The following CDHR3 variants were observed in gnomAD, a reference collection of about 807,000 sequenced individuals.
The protein encoded by CDHR3 is cadherin related family member 3.
CDHR3 carries 79 observed loss-of-function variants against 86.6 expected under a neutral mutation model. The observed-to-expected ratio is 0.91, with a 90% CI of 0.76 to 1.10. The LOEUF (loss-of-function observed/expected upper bound fraction) is 1.10. CDHR3 is among the 50% of genes least tolerant of loss of function. The probability of loss-of-function intolerance (pLI) is 0.00; values close to 1 mark genes in which losing one functional copy is unlikely to be tolerated. For missense variants in CDHR3, 1,081 were observed against 1,077.6 expected, an observed-to-expected ratio of 1.00 and a Z score of -0.04; for synonymous variants, 421 against 402.4, an observed-to-expected ratio of 1.05 and a Z score of -0.55.
In CDHR3 at chr7:106,018,047, A is replaced by G; in HGVS notation, c.1628A>G (p.Asn543Ser). The G allele has an allele frequency of 6.2e-7, 1 of 1,613,866 alleles. No homozygotes were observed. The highest frequency in any genetic ancestry group is 8.5e-7 in the Non-Finnish European group (1 of 1,179,818). Reference sequence around the variant, plus strand: ...TATATTCTCAGAATCCAGGCCACCAACAACGAAGACACAAGCTCTGTCACT... The same window carrying G: ...TATATTCTCAGAATCCAGGCCACCAGCAACGAAGACACAAGCTCTGTCACT... ...PIYILRIQATNNEDTSSVTVT... is the reference protein window; with the variant it reads ...PIYILRIQATSNEDTSSVTVT... Residue 543 changes from asparagine (N) to serine (S), a missense_variant, in exon 12 of 19, where the codon AAC (asparagine) becomes AGC (serine). Physicochemically the swap from Asn to Ser is conservative, Grantham distance 46. Transcript: ENST00000317716.
chr7:105,995,621 A>G (rs1009998483), intron 5 of CDHR3, among the ~76,000 whole-genome samples: 7 of 152,292 alleles, frequency 4.6e-5, no homozygotes, highest in South Asian at 2.1e-4. Flanking sequence ...GTAAAGGATT[A>G]TGCCCTTATC....
chr7:106,001,041 A>G (rs1833089294), intron 6 of CDHR3, among the ~76,000 whole-genome samples: 1 of 152,228 alleles, frequency 6.6e-6, no homozygotes, highest in African/African-American at 2.4e-5. Context: ...AGCTCTGGAC[A>G]TGACCCTGGC....
At chr7:105,971,851 C>T (rs542471081) in intron 1 of CDHR3, among the ~76,000 whole-genome samples, 80 of 152,234 alleles carry the variant, frequency 5.3e-4, no homozygotes, top group African/African-American at 1.9e-3. Flanking sequence ...TCGTGTTGTT[C>T]CAGAAACAGC....
rs1160619227 is a variant in CDHR3, at chr7:106,032,399, G to C, written c.2360G>C (p.Gly787Ala). ...FDGEAIDPVT[G>A]ETYEFNSKTG... ...TGTATTTTTTTTTCACTAGTGACCG[G>C]GGAAACATATGAATTCAACTCAAAA... Residue 787 changes from glycine to alanine, a missense_variant, in exon 19 of 19, where the codon GGG (glycine) becomes GCG (alanine). By Grantham distance (60) the Gly-to-Ala change is moderately conservative (BLOSUM62 0). Transcript: ENST00000317716. 1 of 1,605,704 alleles carries C rather than the reference G, an allele frequency of 6.2e-7. No homozygotes were observed. Among genetic ancestry groups the C allele is most frequent in the African/African-American group, 1.3e-5 (1 of 74,568 alleles).
At position 106,017,866 on chromosome 7, in the gene CDHR3, G is replaced by T. The variant is rs1835902280; in HGVS notation, c.1447G>T (p.Val483Leu). Residue 483 changes from valine to leucine, a missense_variant, in exon 12 of 19, where the codon GTG becomes TTG. Coordinates refer to ENST00000317716, the MANE Select transcript of CDHR3 (RefSeq NM_152750.5). Reference protein sequence around the residue: ...RRPARTRVGQVRATDKDLPQS... With the variant: ...RRPARTRVGQLRATDKDLPQS... ...TCCAGCCAGAACCCGAGTGGGACAG[G>T]TGCGAGCCACTGATAAAGACCTCCC... The T allele has an allele frequency of 6.3e-7, 1 of 1,586,926 alleles. No individual in the cohort carries two copies.
At chr7:105,969,064 G>A (rs1034199334) in intron 1 of CDHR3, among the ~76,000 whole-genome samples, 2 of 149,470 alleles carry the variant, frequency 1.3e-5, no homozygotes. Flanking sequence ...CTCCAGCCCG[G>A]GGGACAGAGC....
At chr7:106,007,670 T>C (rs1347190144) in intron 8 of CDHR3, among the ~76,000 whole-genome samples, 1 of 152,234 alleles carries the variant, frequency 6.6e-6, no homozygotes, top group Non-Finnish European at 1.5e-5. Context: ...TAATTGTCCA[T>C]ATCATGAACA....
At chr7:106,023,002 C>A (rs1336598149) in intron 14 of CDHR3, among the ~76,000 whole-genome samples, 1 of 152,158 alleles carries the variant, frequency 6.6e-6, no homozygotes, top group Non-Finnish European at 1.5e-5. Flanking sequence ...CTTTAGCAAA[C>A]AAGCCAAAAA....
chr7:105,973,035 T>C lies in CDHR3; in HGVS notation c.47-1809T>C, dbSNP rs182722708. On this transcript the variant is annotated intron_variant, in intron 1 of 18. Transcript: ENST00000317716. ...GGTTTGTTTGTTCCTAGAACATTTA[T>C]ACCTTTCAGTGGGACAGAACCTTCT... is the stretch of plus-strand genomic sequence containing the variant. Among the ~76,000 whole-genome samples, 114 of 152,342 alleles carry C rather than the reference T, an allele frequency of 7.5e-4. 1 individual carries two copies. In the South Asian group the frequency reaches 8.1e-3, roughly 11 times the overall value.
intron 18 of CDHR3, among the ~76,000 whole-genome samples, chr7:106,031,200 GC>G (rs374632062): frequency 9.3e-4 from 141 of 151,614 alleles, no homozygotes; most frequent in African/African-American, 3.1e-3. Flanking sequence ...GGTACTGATT[GC>G]CCCCCCCAGC....
chr7:105,994,304 T>A (rs1831851192), intron 4 of CDHR3, among the ~76,000 whole-genome samples: 1 of 151,920 alleles, frequency 6.6e-6, no homozygotes, highest in Admixed American at 6.6e-5. Flanking sequence ...AGTAGCTGTA[T>A]TAAATAGGTA....
intron 8 of CDHR3, among the ~76,000 whole-genome samples, chr7:106,012,471 A>G (rs1834961334): frequency 6.6e-6 from 1 of 152,172 alleles, no homozygotes; most frequent in African/African-American, 2.4e-5. Flanking sequence ...CTCAGGGAGC[A>G]CCAGAAGGCC....
At chr7:106,017,399 A>C (rs1835798122) in intron 11 of CDHR3, among the ~76,000 whole-genome samples, 1 of 152,116 alleles carries the variant, frequency 6.6e-6, no homozygotes, top group African/African-American at 2.4e-5. Flanking sequence ...TCTTCTAAAA[A>C]TACAAAAAGA....
intron 16 of CDHR3, among the ~76,000 whole-genome samples, chr7:106,027,163 G>A (rs1396174355): frequency 1.3e-5 from 2 of 152,214 alleles, no homozygotes; most frequent in Non-Finnish European, 1.5e-5. Context: ...TTGAGAGGAC[G>A]AGGTGGGTGG....
intron 1 of CDHR3, among the ~76,000 whole-genome samples, chr7:105,970,513 G>C (rs1827778170): frequency 6.6e-6 from 1 of 152,148 alleles, no homozygotes; most frequent in Non-Finnish European, 1.5e-5. Flanking sequence ...AATTCCATTA[G>C]AGCCTCCTTC....
At chr7:105,984,681 C>G (rs916879891) in intron 4 of CDHR3, among the ~76,000 whole-genome samples, 2 of 152,106 alleles carry the variant, frequency 1.3e-5, no homozygotes, top group East Asian at 3.9e-4. Context: ...CTCATAAAAA[C>G]CAGCTCTATT....
In CDHR3 at chr7:105,967,245, GGTTT is replaced by G. The variant is rs565793907; in HGVS notation, c.46+3882_46+3885del. ...CTTGCGATAGTTTGCTAAGAATGATGGTTTCCAGCTTCATCCATGTCCCTGCAAA... is the reference window on the plus strand; with the variant it reads ...CTTGCGATAGTTTGCTAAGAATGATGCCAGCTTCATCCATGTCCCTGCAAA... On this transcript the variant is annotated intron_variant, in intron 1 of 18. Transcript: ENST00000317716. 8.3e-4 allele frequency among the ~76,000 whole-genome samples: 127 copies of G among 152,234 alleles called. 1 individual carries two copies. Among genetic ancestry groups the G allele is most frequent in the South Asian group, 5.8e-3 (28 of 4,818 alleles).
chr7:106,004,260 G>A (rs554508410), intron 7 of CDHR3, among the ~76,000 whole-genome samples: 5 of 152,342 alleles, frequency 3.3e-5, no homozygotes, highest in South Asian at 2.1e-4. Context: ...GGCAAGGGCC[G>A]CCACCAGGGA....
At chr7:106,000,340 G>T (rs1479015173) in intron 6 of CDHR3, among the ~76,000 whole-genome samples, 1 of 152,180 alleles carries the variant, frequency 6.6e-6, no homozygotes, top group Non-Finnish European at 1.5e-5. Context: ...TGAAGCCCTG[G>T]TTCCTGCCTT....
Sources: gnomAD v4.1 joint callset for allele counts (sites outside exome capture counted in the v4.1 genomes callset) on GRCh38, gnomAD v4.1.1 for gene constraint, MANE v1.5 for transcripts, NCBI Gene and HGNC (gene_info 2026-07-23, HGNC 2026-07-21) for gene names.